Variants in PITPNC1 observed in about 807,000 individuals in gnomAD.
The protein encoded by PITPNC1 is phosphatidylinositol transfer protein cytoplasmic 1, also known as cytoplasmic phosphatidylinositol transfer protein 1.
PITPNC1 carries 18 observed loss-of-function variants against 44.7 expected under a neutral mutation model. That is an observed-to-expected ratio of 0.40 (90% CI 0.28 to 0.60). The LOEUF is 0.60. Among genes scored for constraint, PITPNC1 ranks in the 20% least tolerant of loss-of-function variants. The pLI, the probability that PITPNC1 is intolerant of heterozygous loss-of-function variation, is 0.39. For missense variants in PITPNC1, 290 were observed against 418.4 expected (o/e 0.69, Z 2.68); for synonymous variants, 141 against 149.6 (o/e 0.94, Z 0.42).
At chr17:67,582,851 G>A (rs889224247) in intron 5 of PITPNC1, among the ~76,000 whole-genome samples, 8 of 152,226 alleles carry the variant, frequency 5.3e-5, no homozygotes, top group African/African-American at 1.7e-4. Context: ...GTGAGAGTCC[G>A]TGCTTAGCAC....
chr17:67,575,849 T>TC (rs1404007065), intron 4 of PITPNC1, among the ~76,000 whole-genome samples: 1 of 95,194 alleles, frequency 1.1e-5, no homozygotes, highest in Non-Finnish European at 2.0e-5. Flanking sequence ...CTTCTTTCTT[T>TC]CTTTCTTTCC....
intron 1 of PITPNC1, among the ~76,000 whole-genome samples, chr17:67,392,857 C>G (rs2038158852): frequency 6.6e-6 from 1 of 152,116 alleles, no homozygotes; most frequent in South Asian, 2.1e-4. Flanking sequence ...CAGTGGCTTA[C>G]ACCTGTAATC....
At chr17:67,580,124 A>G (rs1023950008) in intron 5 of PITPNC1, among the ~76,000 whole-genome samples, 35 of 152,202 alleles carry the variant, frequency 2.3e-4, no homozygotes, top group African/African-American at 8.2e-4. Flanking sequence ...ATTGAATCAT[A>G]TAGTATGTTA....
At chr17:67,472,541 GGAGGCT>G (rs2039556283) in intron 1 of PITPNC1, among the ~76,000 whole-genome samples, 1 of 151,364 alleles carries the variant, frequency 6.6e-6, no homozygotes, top group South Asian at 2.1e-4. Context: ...CAGCTACTCA[GGAGGCT>G]GAGGCAGGAG....
intron 5 of PITPNC1, among the ~76,000 whole-genome samples, chr17:67,618,654 AG>A (rs1387533788): frequency 6.6e-6 from 1 of 152,084 alleles, no homozygotes; most frequent in African/African-American, 2.4e-5. Context: ...CAGGAGACTG[AG>A]GCAGGAGAAT....
At chr17:67,578,717 C>T (rs925145288) in intron 5 of PITPNC1, among the ~76,000 whole-genome samples, 3 of 152,256 alleles carry the variant, frequency 2.0e-5, no homozygotes, top group African/African-American at 7.2e-5. Context: ...TGCAGTGGCT[C>T]ACGCCTGTAA....
intron 1 of PITPNC1, chr17:67,379,351 C>T (rs935999887): frequency 9.1e-6 from 9 of 985,428 alleles, no homozygotes; most frequent in Non-Finnish European, 1.1e-5. Flanking sequence ...TGGCTGAGCT[C>T]ACAGGGGCTG....
At chr17:67,647,565 G>A (rs369085195) in intron 6 of PITPNC1, among the ~76,000 whole-genome samples, 4 of 127,474 alleles carry the variant, frequency 3.1e-5, no homozygotes, top group Admixed American at 1.0e-4. Flanking sequence ...CCATCTGCCC[G>A]CCTCAGCCTC....
At chr17:67,460,810 C>T (rs1275472555) in intron 1 of PITPNC1, among the ~76,000 whole-genome samples, 2 of 144,494 alleles carry the variant, frequency 1.4e-5, no homozygotes, top group African/African-American at 2.6e-5. Context: ...AGCGGCGCGA[C>T]GGTGGCTCAC....
chr17:67,627,662 TG>T (rs2041911990), intron 5 of PITPNC1, among the ~76,000 whole-genome samples: 1 of 152,312 alleles, frequency 6.6e-6, no homozygotes, highest in Admixed American at 6.5e-5. Flanking sequence ...TCTTAGCGGT[TG>T]GATGCTAAGA....
chr17:67,655,394 T>C (rs1252635887), intron 6 of PITPNC1, among the ~76,000 whole-genome samples: 1 of 151,274 alleles, frequency 6.6e-6, no homozygotes, highest in Admixed American at 6.6e-5. Flanking sequence ...CCATCTCTAC[T>C]AAAAACACAA....
chr17:67,541,427 C>G (rs2040606145), intron 2 of PITPNC1, among the ~76,000 whole-genome samples: 1 of 151,536 alleles, frequency 6.6e-6, no homozygotes, highest in South Asian at 2.1e-4. Context: ...GAAAGAAATA[C>G]AGTGGGTTTA....
intron 6 of PITPNC1, among the ~76,000 whole-genome samples, chr17:67,636,405 G>A (rs1482569717): frequency 2.6e-5 from 4 of 151,902 alleles, no homozygotes; most frequent in East Asian, 1.9e-4. Context: ...CAGCTTTGAC[G>A]CTCAGGGCCA....
chr17:67,416,213 T>G (rs1358798896), intron 1 of PITPNC1, among the ~76,000 whole-genome samples: 1 of 138,184 alleles, frequency 7.2e-6, no homozygotes, highest in African/African-American at 2.7e-5. Flanking sequence ...CTTTTTTTTT[T>G]TTTTTTTTTT....
At chr17:67,541,700 G>A (rs2086692759) in intron 2 of PITPNC1, among the ~76,000 whole-genome samples, 1 of 152,158 alleles carries the variant, frequency 6.6e-6, no homozygotes, top group South Asian at 2.1e-4. Context: ...AAACTCAAGT[G>A]ATAGAAAGAA....
At chr17:67,390,752 A>G (rs1239659958) in intron 1 of PITPNC1, among the ~76,000 whole-genome samples, 1 of 152,136 alleles carries the variant, frequency 6.6e-6, no homozygotes, top group Non-Finnish European at 1.5e-5. Context: ...ACTGCAGAGG[A>G]CACACTGTCT....
Position 67,377,832 on chromosome 17 carries a change from G to C in PITPNC1, c.-323G>C, listed in dbSNP as rs1483478908. On this transcript the variant is annotated 5_prime_UTR_variant, in exon 1 of 9. Coordinates refer to ENST00000581322, the MANE Select transcript of PITPNC1 (RefSeq NM_012417.4). ...CCGGGCATGTCCTGATCTGGCGGCC[G>C]CTCCTACCACCCTGGGCAGCCGAGC... 3.2e-6 allele frequency: 1 copy of C among 314,038 alleles called. No individual in the cohort carries two copies. The highest frequency in any genetic ancestry group is 5.8e-6 in the Non-Finnish European group (1 of 171,922). The allele number at this position is 314,038 out of a possible 1,614,324, so 19.5% of individuals were successfully genotyped here.
chr17:67,448,483 G>T (rs554719294), intron 1 of PITPNC1, among the ~76,000 whole-genome samples: 3 of 152,134 alleles, frequency 2.0e-5, no homozygotes, highest in African/African-American at 7.2e-5. Flanking sequence ...CTGCAGCCTA[G>T]AAAACCGCTT....
chr17:67,403,141 A>G lies in PITPNC1; in HGVS notation c.48+24939A>G, dbSNP rs150048125. ...GTGAAGTGCTTGTGCCTGTAATCCC[A>G]AGGGGCCAAGGCGGGAGGATTGCTT... On this transcript the variant is annotated intron_variant, in intron 1 of 8. Coordinates refer to ENST00000581322, the MANE Select transcript of PITPNC1 (RefSeq NM_012417.4). Among the ~76,000 whole-genome samples, 376 of 145,198 alleles carry G rather than the reference A, an allele frequency of 2.6e-3. 2 individuals carry two copies. The highest frequency in any genetic ancestry group is 9.0e-3 in the African/African-American group (355 of 39,278).
Sources: gnomAD v4.1 joint callset for allele counts (sites outside exome capture counted in the v4.1 genomes callset) on GRCh38, gnomAD v4.1.1 for gene constraint, MANE v1.5 for transcripts, NCBI Gene and HGNC (gene_info 2026-07-23, HGNC 2026-07-21) for gene names.